MKLN1: variants seen among roughly 807,000 people sequenced by gnomAD.
The protein encoded by MKLN1 is muskelin 1, also known as muskelin.
A neutral mutation model predicts 99.0 loss-of-function variants in MKLN1; 18 were observed. That is an observed-to-expected ratio of 0.18 (90% CI 0.13 to 0.27). The LOEUF (loss-of-function observed/expected upper bound fraction) is 0.27, where lower values mean the gene tolerates loss of function less well. Ranked by LOEUF, MKLN1 falls within the 10% of genes least tolerant of loss-of-function variation. The pLI is 1.00. For synonymous variants in MKLN1, 288 were observed against 293.2 expected (o/e 0.98, Z 0.18); for missense variants, 621 against 875.9 (o/e 0.71, Z 3.67).
At chr7:131,396,429 ATTTG>A (rs1310334104) in intron 4 of MKLN1, among the ~76,000 whole-genome samples, 3 of 151,920 alleles carry the variant, frequency 2.0e-5, no homozygotes, top group African/African-American at 4.8e-5. Flanking sequence ...GTTTTTCTTA[ATTTG>A]TTTGTTTGTT....
chr7:131,454,695 A>G (rs1051493459), intron 12 of MKLN1, among the ~76,000 whole-genome samples: 1 of 152,192 alleles, frequency 6.6e-6, no homozygotes, highest in Non-Finnish European at 1.5e-5. Context: ...ATTTCACTTT[A>G]CCTTCCTCCC....
chr7:131,479,730 G>A (rs1156919669), intron 17 of MKLN1, among the ~76,000 whole-genome samples: 2 of 151,040 alleles, frequency 1.3e-5, no homozygotes, highest in African/African-American at 4.9e-5. Context: ...AGGAGGCTGA[G>A]GCAGGAGAAT....
intron 3 of MKLN1, among the ~76,000 whole-genome samples, chr7:131,291,437 A>T (rs926531187): frequency 1.3e-5 from 2 of 151,864 alleles, no homozygotes; most frequent in African/African-American, 4.8e-5. Context: ...AGCCCATCCC[A>T]TATGTTATTT....
intron 2 of MKLN1, among the ~76,000 whole-genome samples, chr7:131,169,927 C>T (rs1301269790): frequency 6.6e-6 from 1 of 152,156 alleles, no homozygotes; most frequent in Admixed American, 6.6e-5. Flanking sequence ...TAAAGTCTCA[C>T]ATAGAAAACC....
At chr7:131,130,701 A>C (rs889798668) in intron 1 of MKLN1, among the ~76,000 whole-genome samples, 2 of 152,194 alleles carry the variant, frequency 1.3e-5, no homozygotes, top group African/African-American at 2.4e-5. Flanking sequence ...AGTAGATGAA[A>C]TGTTTTATTA....
intron 2 of MKLN1, among the ~76,000 whole-genome samples, chr7:131,149,157 T>C (rs1795854937): frequency 6.6e-6 from 1 of 152,244 alleles, no homozygotes; most frequent in Non-Finnish European, 1.5e-5. Context: ...TAGATTCAAC[T>C]GATTATCTTG....
intron 3 of MKLN1, among the ~76,000 whole-genome samples, chr7:131,214,761 T>C (rs1024801313): frequency 1.3e-5 from 2 of 152,208 alleles, no homozygotes; most frequent in Non-Finnish European, 2.9e-5. Flanking sequence ...CAGGTTGGGA[T>C]TTTTCAAATT....
intron 8 of MKLN1, among the ~76,000 whole-genome samples, chr7:131,417,967 G>T (rs1795071953): frequency 6.6e-6 from 1 of 152,172 alleles, no homozygotes. Flanking sequence ...GTATTTATTT[G>T]TGAAGGTGCT....
chr7:131,234,402 A>T (rs186460384), intron 3 of MKLN1, among the ~76,000 whole-genome samples: 19 of 152,270 alleles, frequency 1.2e-4, no homozygotes, highest in Non-Finnish European at 2.6e-4. Flanking sequence ...ATGTCCCCAA[A>T]TATGCCAGTT....
At chr7:131,386,141 G>A (rs1794012579) in intron 2 of MKLN1, among the ~76,000 whole-genome samples, 1 of 151,682 alleles carries the variant, frequency 6.6e-6, no homozygotes, top group South Asian at 2.1e-4. Flanking sequence ...AGCCTCCTGA[G>A]TAGCTAGGAT....
intron 2 of MKLN1, among the ~76,000 whole-genome samples, chr7:131,160,731 G>C (rs1314680311): frequency 2.7e-5 from 4 of 146,862 alleles, no homozygotes; most frequent in East Asian, 2.0e-4. Context: ...GGTTTCACCA[G>C]GTTGACCAGT....
At chr7:131,159,070 T>C (rs1179947346) in intron 2 of MKLN1, among the ~76,000 whole-genome samples, 1 of 152,156 alleles carries the variant, frequency 6.6e-6, no homozygotes, top group Non-Finnish European at 1.5e-5. Flanking sequence ...GTGGCACACC[T>C]GTAGTCCTAG....
intron 2 of MKLN1, among the ~76,000 whole-genome samples, chr7:131,149,900 G>A (rs1439794): frequency 0.19 from 28,351 of 152,060 alleles, 3,470 homozygotes; most frequent in East Asian, 0.51. Context: ...TGTATTCCCA[G>A]GCTTGAAGAT....
intron 3 of MKLN1, among the ~76,000 whole-genome samples, chr7:131,304,277 G>C (rs1413692751): frequency 6.6e-6 from 1 of 152,198 alleles, no homozygotes; most frequent in Non-Finnish European, 1.5e-5. Context: ...AGGCTGAAGA[G>C]ATAGGATCAC....
In MKLN1 at chr7:131,348,621, A is replaced by G. The variant is rs146116058; in HGVS notation, c.98+20624A>G. The stretch of plus-strand genomic sequence containing the variant: ...ATCTCTGAGGAAGAGAGTTTGAAAA[A>G]TGCTTTACCATGGGACTTAGGGCAT... On this transcript the variant is annotated intron_variant, in intron 1 of 17. Coordinates refer to ENST00000352689, the MANE Select transcript of MKLN1 (RefSeq NM_013255.5). Among the ~76,000 whole-genome samples, 56 of 152,242 alleles carry G rather than the reference A, an allele frequency of 3.7e-4. No homozygotes were observed. The East Asian group carries it at 0.011, about 29-fold the overall frequency.
intron 11 of MKLN1, among the ~76,000 whole-genome samples, chr7:131,444,546 A>G (rs183229520): frequency 2.0e-5 from 3 of 151,874 alleles, no homozygotes; most frequent in African/African-American, 7.3e-5. Context: ...CAAATAAAAT[A>G]TTTTTTATCT....
At chr7:131,123,957 AT>A (rs1252880099) in intron 1 of MKLN1, among the ~76,000 whole-genome samples, 2 of 152,240 alleles carry the variant, frequency 1.3e-5, no homozygotes, top group Non-Finnish European at 2.9e-5. Context: ...GTATCAATGT[AT>A]AAATGCAGTC....
At chr7:131,173,148 C>CAA (rs1796241513) in intron 2 of MKLN1, among the ~76,000 whole-genome samples, 1 of 151,790 alleles carries the variant, frequency 6.6e-6, no homozygotes, top group South Asian at 2.1e-4. Flanking sequence ...CAAACACACA[C>CAA]ACACACACAC....
upstream of MKLN1, chr7:131,323,531 T>C (rs1375891725): frequency 1.3e-5 from 2 of 152,310 alleles, no homozygotes; most frequent in African/African-American, 2.4e-5. Flanking sequence ...TTTTTGGTCA[T>C]TGTTGCCTAT....
Sources: allele counts gnomAD v4.1 joint callset (sites outside exome capture counted in the v4.1 genomes callset), GRCh38; gene constraint gnomAD v4.1.1; transcripts MANE v1.5; gene names NCBI Gene and HGNC (gene_info 2026-07-23, HGNC 2026-07-21).